The following PHACTR1 variants were observed in gnomAD, a reference collection of about 807,000 sequenced individuals.
PHACTR1 encodes the protein phosphatase and actin regulator 1, also known as RPEL repeat containing 1.
PHACTR1 carries 16 observed loss-of-function variants against 69.2 expected under a neutral mutation model. That is an observed-to-expected ratio of 0.23 (90% CI 0.16 to 0.35). PHACTR1 has a LOEUF of 0.35. Ranked by LOEUF, PHACTR1 falls within the 10% of genes least tolerant of loss-of-function variation. The pLI is 1.00. For missense variants in PHACTR1, 510 were observed against 734.7 expected (o/e 0.69, Z 3.54); for synonymous variants, 312 against 284.5 (o/e 1.10, Z -0.97).
intron 12 of PHACTR1, chr6:13,279,635 T>A (rs405078): frequency 0.77 from 117,552 of 152,214 alleles, 46,094 homozygotes; most frequent in Admixed American, 0.85. Context: ...TAGCAAGAGC[T>A]GGACAAACAA....
rs1284903275 is a variant in PHACTR1 at position 12,895,585 on chromosome 6, A to G, written c.250+145795A>G. Among the ~76,000 whole-genome samples, 4 of 152,198 alleles carry G rather than the reference A, an allele frequency of 2.6e-5. No homozygotes were observed. The South Asian group carries it at 8.3e-4, about 32-fold the overall frequency. On this transcript the variant is annotated intron_variant, in intron 4 of 14. Transcript: ENST00000332995. ...ACATGGTAAAGGGGTCCCTCAGTCA[A>G]CCTTGTGATTATGAGACCAGGTGCA...
chr6:13,051,445 A>G (rs1290203488), intron 4 of PHACTR1, among the ~76,000 whole-genome samples: 1 of 152,180 alleles, frequency 6.6e-6, no homozygotes, highest in East Asian at 1.9e-4. Context: ...AAGAGCTTAC[A>G]TGATCTGGTT....
intron 4 of PHACTR1, among the ~76,000 whole-genome samples, chr6:12,996,681 T>C (rs918866394): frequency 1.2e-4 from 19 of 152,092 alleles, no homozygotes; most frequent in Non-Finnish European, 1.6e-4. Context: ...TTCAAGACAA[T>C]AGAAAGAGAA....
At chr6:13,047,672 C>A (rs567763695) in intron 4 of PHACTR1, among the ~76,000 whole-genome samples, 16 of 152,218 alleles carry the variant, frequency 1.1e-4, no homozygotes, top group South Asian at 4.2e-4. Context: ...ACTGGGGTCC[C>A]AAATGGGCTG....
Position 13,198,915 on chromosome 6 carries a change from TGA to T in PHACTR1, c.665-6897_665-6896del. ...AATGATTTTGTGCCTCTTTGCCTGA[TGA>T]GAACTTGCAGCACCAGGTGTCATTT... On this transcript the variant is annotated intron_variant, in intron 7 of 14. Coordinates refer to ENST00000332995, the MANE Select transcript of PHACTR1 (RefSeq NM_030948.6). 2.0e-5 allele frequency among the ~76,000 whole-genome samples: 3 copies of T among 152,320 alleles called. 1 individual carries two copies. In the Middle Eastern group the frequency reaches 0.01, roughly 518 times the overall value.
At chr6:13,138,148 T>C (rs1213802642) in intron 5 of PHACTR1, among the ~76,000 whole-genome samples, 1 of 152,100 alleles carries the variant, frequency 6.6e-6, no homozygotes, top group Non-Finnish European at 1.5e-5. Flanking sequence ...CTGAAGGGCC[T>C]TAAGGGATGT....
intron 4 of PHACTR1, among the ~76,000 whole-genome samples, chr6:12,912,188 C>T (rs752360461): frequency 2.6e-5 from 4 of 152,064 alleles, no homozygotes; most frequent in Non-Finnish European, 5.9e-5. Context: ...TTAATAGAGA[C>T]GGGATTTTGC....
chr6:13,036,465 T>C (rs1397119225), intron 4 of PHACTR1, among the ~76,000 whole-genome samples: 1 of 152,226 alleles, frequency 6.6e-6, no homozygotes, highest in Non-Finnish European at 1.5e-5. Context: ...ATTATCTTTT[T>C]ACAGTATTAA....
At chr6:12,811,335 A>C (rs1304613183) in intron 4 of PHACTR1, among the ~76,000 whole-genome samples, 2 of 152,266 alleles carry the variant, frequency 1.3e-5, no homozygotes, top group Non-Finnish European at 2.9e-5. Flanking sequence ...AAACCATTAC[A>C]TAAAATGAAT....
intron 4 of PHACTR1, among the ~76,000 whole-genome samples, chr6:12,795,492 TTTG>T (rs1772867851): frequency 6.6e-6 from 1 of 152,190 alleles, no homozygotes; most frequent in Non-Finnish European, 1.5e-5. Flanking sequence ...GGAAGAACAT[TTTG>T]ATTCACCAAT....
chr6:12,804,426 G>A (rs1435913817), intron 4 of PHACTR1, among the ~76,000 whole-genome samples: 2 of 152,176 alleles, frequency 1.3e-5, no homozygotes, highest in African/African-American at 2.4e-5. Context: ...CAGAGGGTTT[G>A]GGCTTAACCA....
At position 13,260,908 on chromosome 6, in the gene PHACTR1, C is replaced by A. The variant is rs1775818999; in HGVS notation, c.1392-11952C>A. Among the ~76,000 whole-genome samples, 3 of 152,208 alleles carry A rather than the reference C, an allele frequency of 2.0e-5. No individual in the cohort carries two copies. In the South Asian group the frequency reaches 6.2e-4, roughly 32 times the overall value. On this transcript the variant is annotated intron_variant, in intron 10 of 14. Transcript: ENST00000332995. ...CTTATCAAGAATTGATTCAGTAGAG[C>A]AAGGCTTCTCAACCTAAGCACTGTT...
intron 6 of PHACTR1, among the ~76,000 whole-genome samples, chr6:13,161,956 A>G (rs985901468): frequency 2.0e-5 from 3 of 152,192 alleles, no homozygotes; most frequent in African/African-American, 7.2e-5. Context: ...AGCCAGCTTT[A>G]TCCATCGATT....
At chr6:12,960,297 G>A (rs1002535956) in intron 4 of PHACTR1, among the ~76,000 whole-genome samples, 6 of 152,190 alleles carry the variant, frequency 3.9e-5, no homozygotes, top group African/African-American at 1.4e-4. Context: ...TATCATTTAT[G>A]GTGTCTAGTG....
intron 4 of PHACTR1, among the ~76,000 whole-genome samples, chr6:12,805,892 T>C (rs1393537750): frequency 2.0e-5 from 3 of 152,146 alleles, no homozygotes; most frequent in African/African-American, 7.2e-5. Context: ...TGAGCCACCA[T>C]GCCCGGCCTA....
At chr6:12,837,727 A>T (rs117189163) in intron 4 of PHACTR1, among the ~76,000 whole-genome samples, 1 of 152,252 alleles carries the variant, frequency 6.6e-6, no homozygotes, top group Admixed American at 6.5e-5. Context: ...AAATGTGGAT[A>T]AAACCTTCAC....
At chr6:13,252,243 C>G (rs188707387) in intron 10 of PHACTR1, among the ~76,000 whole-genome samples, 22 of 148,690 alleles carry the variant, frequency 1.5e-4, no homozygotes, top group African/African-American at 4.5e-4. Context: ...AAAAAATTAG[C>G]CAGGTGCCTG....
intron 6 of PHACTR1, among the ~76,000 whole-genome samples, chr6:13,181,052 A>AT (rs202143835): frequency 3.7e-4 from 56 of 151,528 alleles, no homozygotes; most frequent in Admixed American, 7.2e-4. Flanking sequence ...GCTTCAGATG[A>AT]TTTTTTTTTG....
intron 5 of PHACTR1, among the ~76,000 whole-genome samples, chr6:13,078,945 G>A (rs990803505): frequency 6.6e-6 from 1 of 151,960 alleles, no homozygotes; most frequent in Non-Finnish European, 1.5e-5. Flanking sequence ...TTGCTGTTTG[G>A]GGGGGTCTAG....
Sources: gnomAD v4.1 joint callset for allele counts (sites outside exome capture counted in the v4.1 genomes callset) on GRCh38, gnomAD v4.1.1 for gene constraint, MANE v1.5 for transcripts, NCBI Gene and HGNC (gene_info 2026-07-23, HGNC 2026-07-21) for gene names.